BRAF: variants seen among roughly 807,000 people sequenced by gnomAD.
BRAF encodes serine/threonine-protein kinase B-raf.
In BRAF, 16 loss-of-function variants were observed where a neutral mutation model predicts 104.6. The ratio of observed to expected loss-of-function variants is 0.15; its 90% CI spans 0.10 to 0.23. The LOEUF is 0.23. Ranked by LOEUF, BRAF falls within the 10% of genes least tolerant of loss-of-function variation. The pLI is 1.00. For synonymous variants in BRAF, 310 were observed against 341.6 expected (o/e 0.91, Z 1.02); for missense variants, 541 against 937.3 (o/e 0.58, Z 5.52).
In BRAF at chr7:140,883,005, TA is replaced by T. The variant is rs573282245; in HGVS notation, c.139-32794del. On this transcript the variant is annotated intron_variant, in intron 1 of 19. Coordinates refer to ENST00000644969, the MANE Select transcript of BRAF (RefSeq NM_001374258.1). Reference sequence around the variant, plus strand: ...CGAAACTCCATCTCAAAAAATAAAATAAAATAAAGTAAATAAATAAATAAAT... The same window carrying T: ...CGAAACTCCATCTCAAAAAATAAAATAAATAAAGTAAATAAATAAATAAAT... Among the ~76,000 whole-genome samples the T allele has an allele frequency of 1.0e-4, 15 of 146,434 alleles. No individual in the cohort carries two copies. In the South Asian group the frequency reaches 1.5e-3, roughly 14 times the overall value.
chr7:140,741,477 C>T (rs897378744), intron 17 of BRAF: 1 of 152,162 alleles, frequency 6.6e-6, no homozygotes, highest in Non-Finnish European at 1.5e-5. Flanking sequence ...GGTAACCATG[C>T]TTATCATACC....
At chr7:140,808,316 C>T (rs1278851012) in intron 4 of BRAF, 12 of 484,708 alleles carry the variant, frequency 2.5e-5, no homozygotes, top group Non-Finnish European at 4.7e-5. Context: ...CCAGAAAAGA[C>T]CTACAACAGC....
chr7:140,751,650 G>A (rs1467414995), intron 16 of BRAF, among the ~76,000 whole-genome samples: 1 of 152,042 alleles, frequency 6.6e-6, no homozygotes, highest in Non-Finnish European at 1.5e-5. Flanking sequence ...GGCCAAATAG[G>A]GTACCAGAAT....
intron 7 of BRAF, 31 bp downstream of exon 7, chr7:140,800,331 A>G (rs1417322181): frequency 1.2e-6 from 2 of 1,613,890 alleles, no homozygotes; most frequent in South Asian, 1.1e-5. Flanking sequence ...TTCAAGTAGC[A>G]TGTCGCCCAA....
intron 1 of BRAF, among the ~76,000 whole-genome samples, chr7:140,875,944 A>G (rs1263325145): frequency 6.6e-6 from 1 of 152,368 alleles, no homozygotes; most frequent in Non-Finnish European, 1.5e-5. Flanking sequence ...AGAATTGCTA[A>G]AAGAAATTCC....
chr7:140,819,932 C>G (rs1030169447), intron 3 of BRAF, among the ~76,000 whole-genome samples: 1 of 152,120 alleles, frequency 6.6e-6, no homozygotes, highest in East Asian at 1.9e-4. Flanking sequence ...ATACAAAAAT[C>G]ATTTTATACT....
chr7:140,881,942 C>T (rs559848743), intron 1 of BRAF, among the ~76,000 whole-genome samples: 2 of 152,204 alleles, frequency 1.3e-5, no homozygotes, highest in South Asian at 4.1e-4. Flanking sequence ...TGCAAGATCA[C>T]AGAACACCAA....
intron 18 of BRAF, among the ~76,000 whole-genome samples, chr7:140,736,706 C>A (rs569657299): frequency 6.7e-6 from 1 of 150,136 alleles, no homozygotes; most frequent in Non-Finnish European, 1.5e-5. Context: ...GGATTACAGG[C>A]GTGAGCCACC....
intron 19 of BRAF, among the ~76,000 whole-genome samples, chr7:140,726,829 AAAG>A (rs1464665038): frequency 6.6e-6 from 1 of 152,246 alleles, no homozygotes; most frequent in East Asian, 1.9e-4. Context: ...AACTGAATGT[AAAG>A]TAGTAATGTC....
intron 19 of BRAF, chr7:140,734,334 G>A (rs1339964120): frequency 1.4e-5 from 18 of 1,301,544 alleles, no homozygotes; most frequent in South Asian, 8.9e-5. Context: ...ATACAAACCC[G>A]GAACAGAAAG....
chr7:140,881,497 C>CTCCCA (rs1812916942), intron 1 of BRAF, among the ~76,000 whole-genome samples: 1 of 152,214 alleles, frequency 6.6e-6, no homozygotes, highest in African/African-American at 2.4e-5. Context: ...TCAAGTGATC[C>CTCCCA]TCCCACCTTG....
intron 18 of BRAF, among the ~76,000 whole-genome samples, chr7:140,735,210 T>C (rs1316085296): frequency 2.0e-5 from 3 of 152,232 alleles, no homozygotes; most frequent in African/African-American, 7.2e-5. Context: ...TCACAGCTAC[T>C]TGCCCTTTAA....
At chr7:140,922,562 T>C (rs79329624) in intron 1 of BRAF, among the ~76,000 whole-genome samples, 6,296 of 152,322 alleles carry the variant, frequency 0.041, 153 homozygotes, top group Non-Finnish European at 0.06. Context: ...ACTTATTACT[T>C]CACTCATTGT....
chr7:140,742,780 C>A (rs988418847), intron 17 of BRAF, among the ~76,000 whole-genome samples: 32 of 152,176 alleles, frequency 2.1e-4, no homozygotes, highest in East Asian at 1.9e-4. Context: ...TCAGAGTGAA[C>A]AGGCAACCTA....
Position 140,777,105 on chromosome 7 carries a change from G to T in BRAF, c.1638-17C>A, listed in dbSNP as rs1800405621. ...CGTGTTTTCCTGTACAAAGAAATGT[G>T]ACAGTAAACATTAAATGTCGACAAA... On this transcript the variant is annotated splice_polypyrimidine_tract_variant and intron_variant, in intron 13 of 19. Coordinates refer to ENST00000644969, the MANE Select transcript of BRAF (RefSeq NM_001374258.1). 1 of 1,611,664 alleles carries T rather than the reference G, an allele frequency of 6.2e-7. No individual in the cohort carries two copies. The highest frequency in any genetic ancestry group is 1.3e-5 in the African/African-American group (1 of 74,918).
intron 19 of BRAF, among the ~76,000 whole-genome samples, chr7:140,728,741 G>C (rs1212611055): frequency 6.6e-6 from 1 of 151,982 alleles, no homozygotes; most frequent in Non-Finnish European, 1.5e-5. Context: ...AAAATGACTT[G>C]CAACATTCTT....
At chr7:140,815,432 ATTTTTTT>A (rs11445161) in intron 3 of BRAF, among the ~76,000 whole-genome samples, 2 of 111,882 alleles carry the variant, frequency 1.8e-5, no homozygotes, top group African/African-American at 3.9e-5. Flanking sequence ...GGTGTGAGCC[ATTTTTTT>A]TTTTTTTTTT....
At chr7:140,769,623 C>A (rs1042434238) in intron 14 of BRAF, among the ~76,000 whole-genome samples, 1 of 152,232 alleles carries the variant, frequency 6.6e-6, no homozygotes, top group African/African-American at 2.4e-5. Context: ...CCACTTTTAA[C>A]TACTATATAC....
At chr7:140,916,805 G>A (rs998161641) in intron 1 of BRAF, among the ~76,000 whole-genome samples, 3 of 152,130 alleles carry the variant, frequency 2.0e-5, no homozygotes, top group African/African-American at 4.8e-5. Flanking sequence ...ATAAAATTAT[G>A]AGTCTTCTCC....
Sources: gnomAD v4.1 joint callset for allele counts (sites outside exome capture counted in the v4.1 genomes callset) on GRCh38, gnomAD v4.1.1 for gene constraint, MANE v1.5 for transcripts, NCBI Gene and HGNC (gene_info 2026-07-23, HGNC 2026-07-21) for gene names.